The following CTXN3 variants were observed in gnomAD, a reference collection of about 807,000 sequenced individuals.
The protein encoded by CTXN3 is cortexin-3.
CTXN3 carries 4 observed loss-of-function variants against 5.0 expected under a neutral mutation model. The ratio of observed to expected loss-of-function variants is 0.79; its 90% CI spans 0.39 to 1.82. The LOEUF (loss-of-function observed/expected upper bound fraction) is 1.82. Ranked by LOEUF, CTXN3 falls within the 40% of genes most tolerant of loss-of-function variation. The pLI is 0.04. For synonymous variants in CTXN3, 48 were observed against 38.6 expected, an observed-to-expected ratio of 1.24 and a Z score of -0.91; for missense variants, 89 against 99.7, an observed-to-expected ratio of 0.89 and a Z score of 0.46.
Position 127,649,194 on chromosome 5 carries a change from C to G in CTXN3, c.-401C>G, listed in dbSNP as rs922477883. On this transcript the variant is annotated 5_prime_UTR_variant, in exon 1 of 3. Coordinates refer to ENST00000379445, the MANE Select transcript of CTXN3 (RefSeq NM_001048252.3). ...ACAGAAAGACGATGCTCCTTTAACTCGGGGTTTTAATGGGAAGTTTCTAAG... is the reference window on the plus strand; with the variant it reads ...ACAGAAAGACGATGCTCCTTTAACTGGGGGTTTTAATGGGAAGTTTCTAAG... 2.6e-5 allele frequency: 4 copies of G among 152,156 alleles called. No homozygotes were observed. Among genetic ancestry groups the G allele is most frequent in the African/African-American group, 9.7e-5 (4 of 41,422 alleles). The allele number at this position is 152,156 out of a possible 1,614,324, so 9.4% of individuals were successfully genotyped here.
Position 127,653,388 on chromosome 5 carries a change from G to A in CTXN3, c.-135G>A, listed in dbSNP as rs905167083. 5 of 152,176 alleles carry A rather than the reference G, an allele frequency of 3.3e-5. No individual in the cohort carries two copies. Among genetic ancestry groups the A allele is most frequent in the Admixed American group, 2.0e-4 (3 of 15,280 alleles). 9.4% of individuals were successfully genotyped at this position (152,176 alleles called of 1,614,324 possible). On this transcript the variant is annotated 5_prime_UTR_variant, in exon 2 of 3. In the 5' UTR this introduces an upstream ATG that the reference lacks. Coordinates refer to ENST00000379445, the MANE Select transcript of CTXN3 (RefSeq NM_001048252.3). Reference sequence around the variant, plus strand: ...CAAAGGGAAGACACAGATGTACTGCGTGATGAGGAAAGCCTATCAGGATTA... The same window carrying A: ...CAAAGGGAAGACACAGATGTACTGCATGATGAGGAAAGCCTATCAGGATTA...
chr5:127,657,692 A>G lies in CTXN3; in HGVS notation c.171A>G (p.Arg57=). The change falls in exon 3 of 3, where the codon CGA becomes CGG. Residue 57 remains arginine (R), a synonymous_variant. Transcript: ENST00000379445. ...RCFRILLDPY[R]SMPTSTWADG... ...TCCGGATTCTTTTGGATCCATATCG[A>G]AGCATGCCAACCTCTACCTGGGCTG... 6.2e-7 allele frequency: 1 copy of G among 1,614,134 alleles called. No homozygotes were observed. Among genetic ancestry groups the G allele is most frequent in the Non-Finnish European group, 8.5e-7 (1 of 1,180,028 alleles).
At chr5:127,649,621 T>C (rs1749741957) in intron 1 of CTXN3, among the ~76,000 whole-genome samples, 1 of 152,222 alleles carries the variant, frequency 6.6e-6, no homozygotes, top group Admixed American at 6.5e-5. Context: ...ATGTTATTGA[T>C]ACTGGATGAA....
chr5:127,649,971 C>T (rs558786512), intron 1 of CTXN3, among the ~76,000 whole-genome samples: 17 of 152,156 alleles, frequency 1.1e-4, no homozygotes, highest in African/African-American at 3.9e-4. Context: ...GTTAAGGGTG[C>T]CTTCTGATAC....
intron 1 of CTXN3, among the ~76,000 whole-genome samples, chr5:127,650,752 A>G (rs780317849): frequency 1.2e-4 from 19 of 152,224 alleles, no homozygotes; most frequent in Non-Finnish European, 2.6e-4. Flanking sequence ...TGTTGCTTAG[A>G]TAACGAGGTG....
chr5:127,657,497 T>A lies in CTXN3; in HGVS notation c.-25T>A, dbSNP rs769194451. On this transcript the variant is annotated 5_prime_UTR_variant, in exon 3 of 3. Transcript: ENST00000379445. ...GATGGAAGAAAAGAAAACCAGGATA[T>A]CCTGTGCTCTGGCTTCCCTGGACCA... 6.2e-6 allele frequency: 10 copies of A among 1,612,584 alleles called. No homozygotes were observed. The highest frequency in any genetic ancestry group is 1.7e-4 in the Middle Eastern group (1 of 6,050).
chr5:127,656,328 G>A (rs955146274), intron 2 of CTXN3, among the ~76,000 whole-genome samples: 10 of 151,840 alleles, frequency 6.6e-5, no homozygotes, highest in African/African-American at 1.9e-4. Flanking sequence ...ATATTTATAC[G>A]GTAATATACA....
At position 127,657,489 on chromosome 5, in the gene CTXN3, C is replaced by T; in HGVS notation, c.-33C>T. On this transcript the variant is annotated 5_prime_UTR_variant, in exon 3 of 3. Coordinates refer to ENST00000379445, the MANE Select transcript of CTXN3 (RefSeq NM_001048252.3). ...AGATTGATGATGGAAGAAAAGAAAA[C>T]CAGGATATCCTGTGCTCTGGCTTCC... 6.2e-7 allele frequency: 1 copy of T among 1,609,024 alleles called. No homozygotes were observed. The highest frequency in any genetic ancestry group is 8.5e-7 in the Non-Finnish European group (1 of 1,177,066).
intron 2 of CTXN3, among the ~76,000 whole-genome samples, chr5:127,655,354 G>T (rs1196315535): frequency 6.6e-6 from 1 of 152,138 alleles, no homozygotes. Context: ...CATTTGGGCT[G>T]GATGGAAAAA....
At chr5:127,649,446 C>T (rs1020788719) in intron 1 of CTXN3, 58 bp downstream of exon 1, 10 of 152,198 alleles carry the variant, frequency 6.6e-5, no homozygotes, top group Non-Finnish European at 1.5e-4. Context: ...TCTAACTTTA[C>T]AATTGATGCA....
Position 127,653,407 on chromosome 5 carries a change from A to C in CTXN3, c.-116A>C, listed in dbSNP as rs1749836616. On this transcript the variant is annotated 5_prime_UTR_variant, in exon 2 of 3. Coordinates refer to ENST00000379445, the MANE Select transcript of CTXN3 (RefSeq NM_001048252.3). ...TACTGCGTGATGAGGAAAGCCTATC[A>C]GGATTAAAATATGGCTGTGAGTAAC... is the stretch of plus-strand genomic sequence containing the variant. 6.6e-6 allele frequency: 1 copy of C among 152,256 alleles called. No individual in the cohort carries two copies. The highest frequency in any genetic ancestry group is 2.4e-5 in the African/African-American group (1 of 41,466). The allele number at this position is 152,256 out of a possible 1,614,324, so 9.4% of individuals were successfully genotyped here. A position where few individuals can be genotyped will look rare whatever the true frequency, so the allele number is the denominator to read the frequency against.
intron 2 of CTXN3, among the ~76,000 whole-genome samples, chr5:127,657,125 T>C (rs561698564): frequency 3.3e-4 from 50 of 152,324 alleles, no homozygotes; most frequent in African/African-American, 1.2e-3. Context: ...TGGGTTCAGA[T>C]GTCAAGTTGA....
rs2055780183 is a variant in CTXN3 at position 127,657,948 on chromosome 5, C to T, written c.*181C>T. ...CATTTGAGGATGTTGGAAATGGACA[C>T]TTATATAACTAATCCAACATAAGAA... On this transcript the variant is annotated 3_prime_UTR_variant, in exon 3 of 3. Transcript: ENST00000379445. The T allele has an allele frequency of 3.0e-6, 2 of 669,138 alleles. No individual in the cohort carries two copies. Among genetic ancestry groups the T allele is most frequent in the Non-Finnish European group, 5.1e-6 (2 of 393,210 alleles). 41.5% of individuals were successfully genotyped at this position (669,138 alleles called of 1,614,324 possible).
intron 1 of CTXN3, chr5:127,651,849 G>A (rs930775044): frequency 1.6e-4 from 25 of 151,688 alleles, no homozygotes; most frequent in African/African-American, 5.6e-4. Context: ...AAAGAAACAT[G>A]TCATTGCTTT....
At chr5:127,650,228 G>A (rs1309739826) in intron 1 of CTXN3, among the ~76,000 whole-genome samples, 1 of 152,148 alleles carries the variant, frequency 6.6e-6, no homozygotes, top group Non-Finnish European at 1.5e-5. Flanking sequence ...GTGTCTGCAG[G>A]CTGACTTTGC....
chr5:127,654,965 A>C, intron 2 of CTXN3, among the ~76,000 whole-genome samples: 1 of 152,130 alleles, frequency 6.6e-6, no homozygotes, highest in African/African-American at 2.4e-5. Context: ...TGTTTTCCTA[A>C]AGAACTTTCT....
At chr5:127,651,757 A>G (rs570300409) in intron 1 of CTXN3, 2 of 152,092 alleles carry the variant, frequency 1.3e-5, no homozygotes, top group East Asian at 3.9e-4. Flanking sequence ...CTGTAGAATC[A>G]AGTCCCTGTG....
intron 2 of CTXN3, among the ~76,000 whole-genome samples, chr5:127,656,881 C>A (rs1287565695): frequency 6.6e-6 from 1 of 152,178 alleles, no homozygotes; most frequent in Non-Finnish European, 1.5e-5. Flanking sequence ...GAGCCCAGAA[C>A]CCAATGCTCC....
At chr5:127,656,925 G>A (rs1749920322) in intron 2 of CTXN3, among the ~76,000 whole-genome samples, 1 of 152,186 alleles carries the variant, frequency 6.6e-6, no homozygotes, top group Non-Finnish European at 1.5e-5. Flanking sequence ...ACCTTTTCTA[G>A]CCTCAGTTTC....
Sources: allele counts gnomAD v4.1 joint callset (sites outside exome capture counted in the v4.1 genomes callset), GRCh38; gene constraint gnomAD v4.1.1; transcripts MANE v1.5; gene names NCBI Gene and HGNC (gene_info 2026-07-23, HGNC 2026-07-21).